Variants in TAPBP observed in about 807,000 individuals in gnomAD.
TAPBP encodes the protein TAP binding protein.
TAPBP carries 38 observed loss-of-function variants against 45.7 expected under a neutral mutation model. The observed-to-expected ratio is 0.83, with a 90% CI of 0.64 to 1.09. The LOEUF is 1.09. Ranked by LOEUF, TAPBP falls within the 50% of genes least tolerant of loss-of-function variation. The pLI, the probability that TAPBP is intolerant of heterozygous loss-of-function variation, is 0.00. For synonymous variants in TAPBP, 226 were observed against 254.8 expected (o/e 0.89, Z 1.08); for missense variants, 513 against 587.3 (o/e 0.87, Z 1.31).
Position 33,304,592 on chromosome 6 carries a change from G to T in TAPBP, c.915C>A (p.Ala305=). The stretch of plus-strand genomic sequence containing the variant: ...GCAATTCCGGGGGTGCCTCCCCTGG[G>T]GCGGCCCGTGCAAGGGTTGCTGGCA... The part of the protein sequence containing the change: ...SLMPATLARA[A]PGEAPPELLC... The change falls in exon 5 of 8, where the codon GCC becomes GCA. Residue 305 remains alanine (A), a synonymous_variant. Transcript: ENST00000434618. 1 of 1,597,274 alleles carries T rather than the reference G, an allele frequency of 6.3e-7. No individual in the cohort carries two copies. The highest frequency in any genetic ancestry group is 8.5e-7 in the Non-Finnish European group (1 of 1,177,244).
intron 7 of TAPBP, chr6:33,303,454 A>G (rs1341799218): frequency 5.8e-6 from 2 of 342,804 alleles, no homozygotes; most frequent in African/African-American, 4.2e-5. Context: ...GGCCATGTGT[A>G]TAAGGTGTAT....
In TAPBP at chr6:33,306,149, G is replaced by C. The variant is rs751342095; in HGVS notation, c.470-762C>G. 7.9e-5 allele frequency among the ~76,000 whole-genome samples: 12 copies of C among 152,272 alleles called. No individual in the cohort carries two copies. In the South Asian group the frequency reaches 8.3e-4, roughly 11 times the overall value. ...GATAACAGAGACACCTACCCATGAA[G>C]GGTGCTTACAACACTGTCTGGAACA... On this transcript the variant is annotated intron_variant, in intron 3 of 7. Coordinates refer to ENST00000434618, the MANE Select transcript of TAPBP (RefSeq NM_003190.5).
rs1581760727 is a variant in TAPBP, at chr6:33,313,949, C to T, written c.37+56G>A. The T allele has an allele frequency of 1.2e-6, 2 of 1,613,388 alleles. No homozygotes were observed. Among genetic ancestry groups the T allele is most frequent in the Non-Finnish European group, 1.7e-6 (2 of 1,179,726 alleles). On this transcript the variant is annotated intron_variant, in intron 1 of 7. Coordinates refer to ENST00000434618, the MANE Select transcript of TAPBP (RefSeq NM_003190.5). This position sits in a 1 kb window ranked among gnomAD's most constrained non-coding sequence, Gnocchi z 7.2. The stretch of plus-strand genomic sequence containing the variant: ...CACCCTGGCATCGGCTCCAGTGGGG[C>T]CACCTCCCTCCGCTTCCCTCTAGTT...
chr6:33,304,291 T>C lies in TAPBP; in HGVS notation c.1210+6A>G. 1 of 1,601,272 alleles carries C rather than the reference T, an allele frequency of 6.2e-7. No homozygotes were observed. Among genetic ancestry groups the C allele is most frequent in the Non-Finnish European group, 8.5e-7 (1 of 1,172,344 alleles). ...GCTCAGATTCCGCAGAGCTCCCAGCTCTTACCTGCTACCTCCAGGGTGACC... is the reference window on the plus strand; with the variant it reads ...GCTCAGATTCCGCAGAGCTCCCAGCCCTTACCTGCTACCTCCAGGGTGACC... On this transcript the variant is annotated splice_donor_region_variant and intron_variant, in intron 5 of 7. Coordinates refer to ENST00000434618, the MANE Select transcript of TAPBP (RefSeq NM_003190.5).
chr6:33,313,003 T>A lies in TAPBP; in HGVS notation c.469+214A>T. 3 of 452,262 alleles carry A rather than the reference T, an allele frequency of 6.6e-6. No homozygotes were observed. The highest frequency in any genetic ancestry group is 3.5e-5 in the East Asian group (1 of 28,218). The allele number at this position is 452,262 out of a possible 1,614,324, so 28.0% of individuals were successfully genotyped here. A position where few individuals can be genotyped will look rare whatever the true frequency, so the allele number is the denominator to read the frequency against. On this transcript the variant is annotated intron_variant, in intron 3 of 7. Coordinates refer to ENST00000434618, the MANE Select transcript of TAPBP (RefSeq NM_003190.5). The surrounding 1 kb of genome is among the most constrained non-coding windows in gnomAD (Gnocchi z 7.2). ...GCTTTCCCCCTACCCCCTGCCAAGC[T>A]GCAGTTTTTTTTTTGTTTTTTTTTT... is the stretch of plus-strand genomic sequence containing the variant.
chr6:33,311,359 GTGGCT>G, intron 3 of TAPBP, among the ~76,000 whole-genome samples: 1 of 152,140 alleles, frequency 6.6e-6, no homozygotes, highest in East Asian at 1.9e-4. Flanking sequence ...GGCAGGCGCA[GTGGCT>G]CACGCTTGTA....
rs1768457149 is a variant in TAPBP at position 33,300,327 on chromosome 6, G to A, written c.*1433C>T. ...CAGATCTCTGAGACTATGTCAGGGG[G>A]TTTGTGAGATTTTATAACAAAATTA... is the stretch of plus-strand genomic sequence containing the variant. On this transcript the variant is annotated 3_prime_UTR_variant, in exon 8 of 8. Transcript: ENST00000434618. 1 of 153,680 alleles carries A rather than the reference G, an allele frequency of 6.5e-6. No individual in the cohort carries two copies. Among genetic ancestry groups the A allele is most frequent in the Admixed American group, 6.5e-5 (1 of 15,276 alleles). The allele number at this position is 153,680 out of a possible 1,614,324, so 9.5% of individuals were successfully genotyped here.
chr6:33,304,510 G>A lies in TAPBP; in HGVS notation c.997C>T (p.Arg333Trp), dbSNP rs772349873. The stretch of plus-strand genomic sequence containing the variant: ...TGAGAGCGGCCCCCTGGGCCACCCC[G>A]GAGTTCCCACTCCACCTCCAGGCCC... The part of the protein sequence containing the change: ...SGGLEVEWEL[R>W]GGPGGRSQKA... Residue 333 changes from arginine to tryptophan, a missense_variant, in exon 5 of 8, where the codon CGG (arginine) becomes TGG (tryptophan). Coordinates refer to ENST00000434618, the MANE Select transcript of TAPBP (RefSeq NM_003190.5). 22 of 1,613,246 alleles carry A rather than the reference G, an allele frequency of 1.4e-5. No individual in the cohort carries two copies. The African/African-American group carries it at 1.7e-4, about 13-fold the overall frequency.
Position 33,313,048 on chromosome 6 carries a change from A to C in TAPBP, c.469+169T>G. The C allele has an allele frequency of 1.6e-6, 1 of 642,650 alleles. No homozygotes were observed. Among genetic ancestry groups the C allele is most frequent in the South Asian group, 3.4e-5 (1 of 29,760 alleles). 39.8% of individuals were successfully genotyped at this position (642,650 alleles called of 1,614,324 possible). A position where few individuals can be genotyped will look rare whatever the true frequency, so the allele number is the denominator to read the frequency against. On this transcript the variant is annotated intron_variant, in intron 3 of 7. Coordinates refer to ENST00000434618, the MANE Select transcript of TAPBP (RefSeq NM_003190.5). This position sits in a 1 kb window ranked among gnomAD's most constrained non-coding sequence, Gnocchi z 7.2. ...TTTTTTTTAACTGGGTGAGGGCTAG[A>C]AGGAGCGGTAGAGATTGATTCATTC...
chr6:33,310,234 G>A (rs1769254367), intron 3 of TAPBP, among the ~76,000 whole-genome samples: 1 of 151,804 alleles, frequency 6.6e-6, no homozygotes, highest in East Asian at 2.0e-4. Flanking sequence ...GGCCTGGCGT[G>A]GTGGCTCACG....
rs1768608254 is a variant in TAPBP, at chr6:33,301,790, G to A, written c.1336-19C>T. On this transcript the variant is annotated intron_variant, in intron 7 of 7. Coordinates refer to ENST00000434618, the MANE Select transcript of TAPBP (RefSeq NM_003190.5). ...CTGCTTTCTGGAAGAGAGGAAGGTG[G>A]TGAGGAATTCAGGATATTAAAAGGC... is the stretch of plus-strand genomic sequence containing the variant. 1 of 1,614,122 alleles carries A rather than the reference G, an allele frequency of 6.2e-7. No homozygotes were observed. Among genetic ancestry groups the A allele is most frequent in the Non-Finnish European group, 8.5e-7 (1 of 1,180,020 alleles).
In TAPBP at chr6:33,303,935, A is replaced by G; in HGVS notation, c.1335+20T>C. On this transcript the variant is annotated intron_variant, in intron 7 of 7. Transcript: ENST00000434618. Reference sequence around the variant, plus strand: ...AGATAAAGTGACAAGGGAAAGATACAGAGAGGTGGAGCACTGTACCTTCTT... The same window carrying G: ...AGATAAAGTGACAAGGGAAAGATACGGAGAGGTGGAGCACTGTACCTTCTT... 1 of 1,614,028 alleles carries G rather than the reference A, an allele frequency of 6.2e-7. No individual in the cohort carries two copies.
chr6:33,310,930 T>G (rs1386134245), intron 3 of TAPBP, among the ~76,000 whole-genome samples: 2 of 152,238 alleles, frequency 1.3e-5, no homozygotes, highest in South Asian at 2.1e-4. Flanking sequence ...ATGAATGATC[T>G]TGGACCCTGG....
At chr6:33,308,168 C>CAAAAAAAAAA (rs9280399) in intron 3 of TAPBP, 2 of 99,602 alleles carry the variant, frequency 2.0e-5, no homozygotes, top group African/African-American at 4.3e-5. Context: ...ACTAAAAATA[C>CAAAAAAAAAA]AAAAAAAAAA....
At position 33,313,607 on chromosome 6, in the gene TAPBP, G is replaced by A. The variant is rs1463163038; in HGVS notation, c.208+87C>T. 5.2e-6 allele frequency: 8 copies of A among 1,550,044 alleles called. No homozygotes were observed. The highest frequency in any genetic ancestry group is 7.0e-6 in the Non-Finnish European group (8 of 1,145,258). On this transcript the variant is annotated intron_variant, in intron 2 of 7. Coordinates refer to ENST00000434618, the MANE Select transcript of TAPBP (RefSeq NM_003190.5). This position sits in a 1 kb window ranked among gnomAD's most constrained non-coding sequence, Gnocchi z 7.2. The stretch of plus-strand genomic sequence containing the variant: ...ACTCACTTTACAAAGGGGAAGCTGA[G>A]GCCTGAGGTCACTGCCGGATCTAAA...
rs145263363 is a variant in TAPBP at position 33,313,759 on chromosome 6, C to G, written c.143G>C (p.Arg48Pro). 6.2e-7 allele frequency: 1 copy of G among 1,613,690 alleles called. No individual in the cohort carries two copies. Among genetic ancestry groups the G allele is most frequent in the Non-Finnish European group, 8.5e-7 (1 of 1,180,010 alleles). Residue 48 changes from arginine to proline, a missense_variant, in exon 2 of 8, where the codon CGC (arginine) becomes CCC (proline). Physicochemically the swap from Arg to Pro is moderately radical, Grantham distance 103. Transcript: ENST00000434618. The surrounding 1 kb of genome is among the most constrained non-coding windows in gnomAD (Gnocchi z 7.2). ...LAKRPGALLL[R>P]QGPGEPPPRP... ...GGGCGGCGGTTCCCCCGGTCCCTGG[C>G]GCAACAGCAGTGCACCGGGTCTCTT... is the stretch of plus-strand genomic sequence containing the variant.
rs1414828563 is a variant in TAPBP, at chr6:33,313,194, C to T, written c.469+23G>A. 6.3e-7 allele frequency: 1 copy of T among 1,594,400 alleles called. No individual in the cohort carries two copies. The highest frequency in any genetic ancestry group is 8.6e-7 in the Non-Finnish European group (1 of 1,165,452). Reference sequence around the variant, plus strand: ...GGACCCTTAGAATCTACCCACCCTTCTCCACCTCCCCTCCCCAGCTACCTG... The same window carrying T: ...GGACCCTTAGAATCTACCCACCCTTTTCCACCTCCCCTCCCCAGCTACCTG... On this transcript the variant is annotated intron_variant, in intron 3 of 7. Transcript: ENST00000434618. The surrounding 1 kb of genome is among the most constrained non-coding windows in gnomAD (Gnocchi z 7.2).
chr6:33,302,233 C>A (rs2150956709), intron 7 of TAPBP, among the ~76,000 whole-genome samples: 1 of 151,608 alleles, frequency 6.6e-6, no homozygotes, highest in South Asian at 2.1e-4. Flanking sequence ...GCAGCCTCAC[C>A]CTCCCAGATT....
In TAPBP at chr6:33,313,829, T is replaced by C. The variant is rs752996039; in HGVS notation, c.73A>G (p.Ile25Val). ...GCATCCTCCACGAACCAACACTCGA[T>C]CACCGCGGGTCCTGCTGAGACGGCG... ...ATAVSAGPAV[I>V]ECWFVEDASG... is the part of the protein sequence containing the mutation. The change falls in exon 2 of 8, where the codon ATC becomes GTC. Residue 25 changes from isoleucine to valine, a missense_variant. By Grantham distance (29) the Ile-to-Val change is conservative. Coordinates refer to ENST00000434618, the MANE Select transcript of TAPBP (RefSeq NM_003190.5). This position sits in a 1 kb window ranked among gnomAD's most constrained non-coding sequence, Gnocchi z 7.2. 10 of 1,613,660 alleles carry C rather than the reference T, an allele frequency of 6.2e-6. No individual in the cohort carries two copies. In the Admixed American group the frequency reaches 1.5e-4, roughly 24 times the overall value.
Sources: allele counts gnomAD v4.1 joint callset (sites outside exome capture counted in the v4.1 genomes callset), GRCh38; gene constraint gnomAD v4.1.1; non-coding constraint Gnocchi (gnomAD v3.1); transcripts MANE v1.5; gene names NCBI Gene and HGNC (gene_info 2026-07-23, HGNC 2026-07-21).